TDRD9: variants seen among roughly 807,000 people sequenced by gnomAD.
TDRD9 encodes ATP-dependent RNA helicase TDRD9.
A neutral mutation model predicts 172.6 loss-of-function variants in TDRD9; 124 were observed. The ratio of observed to expected loss-of-function variants is 0.72; its 90% confidence interval spans 0.62 to 0.83. The LOEUF is 0.83. TDRD9 is among the 40% of genes least tolerant of loss of function. The probability of loss-of-function intolerance (pLI) is 0.00; values close to 1 mark genes in which losing one functional copy is unlikely to be tolerated. For synonymous variants in TDRD9, 619 were observed against 617.1 expected, an observed-to-expected ratio of 1.00 and a Z score of -0.05; for missense variants, 1,479 against 1,714.1, an observed-to-expected ratio of 0.86 and a Z score of 2.42.
intron 5 of TDRD9, among the ~76,000 whole-genome samples, chr14:103,970,240 A>G (rs1425324514): frequency 6.6e-6 from 1 of 152,112 alleles, no homozygotes. Context: ...TGGTTGTCAC[A>G]GTGACCTTGG....
At chr14:103,976,817 T>C (rs183516168) in intron 7 of TDRD9, among the ~76,000 whole-genome samples, 53 of 152,304 alleles carry the variant, frequency 3.5e-4, no homozygotes, top group African/African-American at 1.2e-3. Flanking sequence ...TTCCCCTTTC[T>C]TTGCATTTTT....
At chr14:103,966,458 G>C (rs1292373828) in intron 4 of TDRD9, among the ~76,000 whole-genome samples, 1 of 152,144 alleles carries the variant, frequency 6.6e-6, no homozygotes, top group Non-Finnish European at 1.5e-5. Flanking sequence ...TAATCTAGAA[G>C]ATGTCTTGAT....
At chr14:103,996,826 A>G (rs935430851) in intron 12 of TDRD9, among the ~76,000 whole-genome samples, 1 of 152,196 alleles carries the variant, frequency 6.6e-6, no homozygotes, top group South Asian at 2.1e-4. Context: ...AGGGAGTGTC[A>G]GGGAAGCACC....
intron 34 of TDRD9, among the ~76,000 whole-genome samples, chr14:104,047,646 T>A (rs1165360857): frequency 6.6e-6 from 1 of 152,216 alleles, no homozygotes; most frequent in African/African-American, 2.4e-5. Context: ...GTTAAACGCG[T>A]GCTGACACGG....
At chr14:104,005,878 T>A (rs1050371423) in intron 15 of TDRD9, among the ~76,000 whole-genome samples, 1 of 152,220 alleles carries the variant, frequency 6.6e-6, no homozygotes, top group Non-Finnish European at 1.5e-5. Flanking sequence ...AGTGATGCAA[T>A]CATGGCTTAC....
At chr14:103,962,078 G>T (rs1350855067) in intron 2 of TDRD9, among the ~76,000 whole-genome samples, 1 of 152,192 alleles carries the variant, frequency 6.6e-6, no homozygotes, top group African/African-American at 2.4e-5. Context: ...ATGACCAGAG[G>T]TTTAGAATTT....
intron 34 of TDRD9, among the ~76,000 whole-genome samples, chr14:104,042,731 C>G (rs1423949792): frequency 1.3e-5 from 2 of 152,120 alleles, no homozygotes; most frequent in African/African-American, 4.8e-5. Context: ...GAGGAGAAAC[C>G]AGCATTCCAC....
intron 2 of TDRD9, among the ~76,000 whole-genome samples, chr14:103,960,494 T>A (rs74089539): frequency 1.6e-3 from 242 of 152,262 alleles, no homozygotes; most frequent in African/African-American, 5.7e-3. Context: ...CCTCATGCCG[T>A]TTTTGGATTT....
intron 32 of TDRD9, among the ~76,000 whole-genome samples, chr14:104,038,811 A>G (rs952604972): frequency 2.0e-5 from 3 of 152,114 alleles, no homozygotes; most frequent in Admixed American, 1.3e-4. Context: ...CTGAGATTAC[A>G]GGTGTGCACC....
At chr14:104,027,225 T>C (rs1489234084) in intron 28 of TDRD9, among the ~76,000 whole-genome samples, 1 of 152,160 alleles carries the variant, frequency 6.6e-6, no homozygotes, top group Non-Finnish European at 1.5e-5. Context: ...TTTAACATAT[T>C]TTTTAGTAGA....
intron 34 of TDRD9, among the ~76,000 whole-genome samples, chr14:104,046,732 GC>G (rs992488516): frequency 6.6e-6 from 1 of 151,148 alleles, no homozygotes; most frequent in Non-Finnish European, 1.5e-5. Context: ...TGCAAGCTCC[GC>G]CCCCCGGGTT....
rs866179382 is a variant in TDRD9, at chr14:104,025,895, G to A, written c.2931+119G>A. The stretch of plus-strand genomic sequence containing the variant: ...TAAAATAATTGCAGTTAGCAAAGTA[G>A]TCTGTTTCCCTCATTGATATGTGGA... On this transcript the variant is annotated intron_variant, in intron 26 of 35. Transcript: ENST00000409874. 6.7e-5 allele frequency: 70 copies of A among 1,037,462 alleles called. 1 individual carries two copies. The highest frequency in any genetic ancestry group is 6.4e-4 in the Middle Eastern group (3 of 4,656). 64.3% of individuals were successfully genotyped at this position (1,037,462 alleles called of 1,614,324 possible).
At chr14:103,956,092 AAAAAAAAAAAAAAAAAAAAATAT>A (rs1195477225) in intron 2 of TDRD9, among the ~76,000 whole-genome samples, 2 of 39,808 alleles carry the variant, frequency 5.0e-5, no homozygotes, top group African/African-American at 1.9e-4. Context: ...AAAAAAAAAA[AAAAAAAAAAAAAAAAAAAAATAT>A]ATATATATAT....
At position 104,024,564 on chromosome 14, in the gene TDRD9, T is replaced by C. The variant is rs202130253; in HGVS notation, c.2607-5T>C. On this transcript the variant is annotated splice_region_variant and splice_polypyrimidine_tract_variant and intron_variant, in intron 24 of 35. Transcript: ENST00000409874. ...TTTATTTTAATAAAAATTCGTATTA[T>C]GTAGGGTGAATGTGGACTTCCAGAA... 212 of 1,566,642 alleles carry C rather than the reference T, an allele frequency of 1.4e-4. No homozygotes were observed. In the East Asian group the frequency reaches 4.2e-3, roughly 31 times the overall value.
intron 20 of TDRD9, among the ~76,000 whole-genome samples, chr14:104,009,925 G>A (rs996236882): frequency 2.7e-5 from 4 of 150,174 alleles, no homozygotes; most frequent in Admixed American, 1.3e-4. Flanking sequence ...GTCACCACTC[G>A]TAATTTGTTT....
chr14:104,001,919 T>C (rs897569540), intron 13 of TDRD9, among the ~76,000 whole-genome samples: 1 of 151,978 alleles, frequency 6.6e-6, no homozygotes, highest in African/African-American at 2.4e-5. Context: ...TGTTTAGTTT[T>C]ATAAGGAACT....
intron 14 of TDRD9, 79 bp downstream of exon 14, chr14:104,004,414 A>G (rs1326516659): frequency 3.7e-6 from 3 of 800,664 alleles, no homozygotes; most frequent in African/African-American, 3.5e-5. Context: ...GGAGTCTTGC[A>G]CTGTTGTCTG....
At position 104,007,341 on chromosome 14, in the gene TDRD9, C is replaced by T. The variant is rs139371062; in HGVS notation, c.2052+137C>T. 4.2e-3 allele frequency: 3,212 copies of T among 761,622 alleles called. 16 individuals are homozygous for T. The highest frequency in any genetic ancestry group is 6.2e-3 in the Middle Eastern group (24 of 3,892). The allele number at this position is 761,622 out of a possible 1,614,324, so 47.2% of individuals were successfully genotyped here. On this transcript the variant is annotated intron_variant, in intron 19 of 35. Transcript: ENST00000409874. ...GTCGAGGTCACTGTCAGTGCTCGCA[C>T]GGCTGTCCCAAGAGTGGCAGGCCAT...
At chr14:103,985,781 T>C (rs552782024) in intron 7 of TDRD9, among the ~76,000 whole-genome samples, 61 of 152,328 alleles carry the variant, frequency 4.0e-4, no homozygotes, top group Non-Finnish European at 4.4e-4. Flanking sequence ...ATATACAAGG[T>C]TACTTTTCAC....
Sources: allele counts gnomAD v4.1 joint callset (sites outside exome capture counted in the v4.1 genomes callset), GRCh38; gene constraint gnomAD v4.1.1; transcripts MANE v1.5; gene names NCBI Gene and HGNC (gene_info 2026-07-23, HGNC 2026-07-21).